Variants in HSPG2 observed in about 807,000 individuals in gnomAD.
The protein encoded by HSPG2 is basement membrane-specific heparan sulfate proteoglycan core protein.
A neutral mutation model predicts 526.6 loss-of-function variants in HSPG2; 278 were observed. The ratio of observed to expected loss-of-function variants is 0.53; its 90% confidence interval spans 0.48 to 0.58. The LOEUF is 0.58. HSPG2 is among the 20% of genes least tolerant of loss of function. HSPG2 has a pLI of 0.00. For missense variants in HSPG2, 5,354 were observed against 6,099.5 expected (o/e 0.88, Z 4.07); for synonymous variants, 2,465 against 2,555.4 (o/e 0.96, Z 1.07).
At chr1:21,868,767 GTC>G (rs1640428864) in intron 33 of HSPG2, 1 of 174,898 alleles carries the variant, frequency 5.7e-6, no homozygotes, top group African/African-American at 2.4e-5. Context: ...CCCCAGGCAA[GTC>G]TCTACCCACC....
In HSPG2 at chr1:21,836,829, C is replaced by T. The variant is rs866428334; in HGVS notation, c.10328G>A (p.Gly3443Asp). ...WFKEGGQLPP[G>D]HSVQDGVLRI... ...GAGCACCCCATCCTGCACGCTGTGA[C>T]CCGGAGGCAGCTGACCCCCTTCCTT... Residue 3443 changes from glycine (G) to aspartate (D), a missense_variant, in exon 75 of 97, where the codon GGT (glycine) becomes GAT (aspartate). Transcript: ENST00000374695. The T allele has an allele frequency of 1.3e-6, 2 of 1,574,410 alleles. No homozygotes were observed. Among genetic ancestry groups the T allele is most frequent in the Admixed American group, 1.8e-5 (1 of 55,226 alleles).
chr1:21,824,448 G>T lies in HSPG2; in HGVS notation c.12745-72C>A. 1 of 1,602,260 alleles carries T rather than the reference G, an allele frequency of 6.2e-7. No individual in the cohort carries two copies. Among genetic ancestry groups the T allele is most frequent in the South Asian group, 1.1e-5 (1 of 90,874 alleles). On this transcript the variant is annotated intron_variant, in intron 93 of 96. Transcript: ENST00000374695. This position sits in a 1 kb window ranked among gnomAD's most constrained non-coding sequence, Gnocchi z 5.9. ...GAGGCTGCCGAGGCCAGGGGGCTCTGCTTTCCCCTCCCCCCACCACTCCGG... is the reference window on the plus strand; with the variant it reads ...GAGGCTGCCGAGGCCAGGGGGCTCTTCTTTCCCCTCCCCCCACCACTCCGG...
rs763948606 is a variant in HSPG2 at position 21,855,379 on chromosome 1, C to G, written c.5922G>C (p.Arg1974Ser). ...GCACGCCTGCAGCCCTGCAGTACAG[C>G]CTGACGGTGCGGCCTGCGTGGACCT... is the stretch of plus-strand genomic sequence containing the variant. ...RTQVHAGRTV[R>S]LYCRAAGVPS... Residue 1974 changes from arginine (R) to serine (S), a missense_variant, in exon 47 of 97, where the codon AGG becomes AGC. Coordinates refer to ENST00000374695, the MANE Select transcript of HSPG2 (RefSeq NM_005529.7). 6.2e-7 allele frequency: 1 copy of G among 1,612,724 alleles called. No homozygotes were observed. Among genetic ancestry groups the G allele is most frequent in the South Asian group, 1.1e-5 (1 of 90,736 alleles).
At chr1:21,888,460 T>A (rs1052377415) in intron 6 of HSPG2, among the ~76,000 whole-genome samples, 3 of 152,240 alleles carry the variant, frequency 2.0e-5, no homozygotes, top group Non-Finnish European at 2.9e-5. Context: ...CTTTAAAAAA[T>A]TTTTTTCTCT....
intron 75 of HSPG2, among the ~76,000 whole-genome samples, 176 bp from the exon 76 acceptor site, chr1:21,835,813 G>A (rs1320339289): frequency 6.6e-6 from 1 of 151,642 alleles, no homozygotes; most frequent in Non-Finnish European, 1.5e-5. Flanking sequence ...GTGAAACCCT[G>A]TTTCTACTAA....
In HSPG2 at chr1:21,878,273, T is replaced by C; in HGVS notation, c.2618-20A>G. 6.2e-7 allele frequency: 1 copy of C among 1,613,378 alleles called. No individual in the cohort carries two copies. Among genetic ancestry groups the C allele is most frequent in the Non-Finnish European group, 8.5e-7 (1 of 1,179,690 alleles). On this transcript the variant is annotated intron_variant, in intron 20 of 96. Coordinates refer to ENST00000374695, the MANE Select transcript of HSPG2 (RefSeq NM_005529.7). ...CCTGGTCTGGGACACAAAACGAGTG[T>C]TGGCAGGGCAGGTGGGAATGGGATA...
intron 71 of HSPG2, among the ~76,000 whole-genome samples, chr1:21,840,652 G>A (rs551487515): frequency 6.6e-6 from 1 of 151,992 alleles, no homozygotes; most frequent in Non-Finnish European, 1.5e-5. Flanking sequence ...TATTGGCCAG[G>A]GTGGTCTCGA....
In HSPG2 at chr1:21,842,130, G is replaced by A. The variant is rs762597552; in HGVS notation, c.9065C>T (p.Pro3022Leu). 4.3e-6 allele frequency: 7 copies of A among 1,613,700 alleles called. No homozygotes were observed. Among genetic ancestry groups the A allele is most frequent in the East Asian group, 2.2e-5 (1 of 44,884 alleles). The change falls in exon 69 of 97, where the codon CCG (proline) becomes CTG (leucine). Residue 3022 changes from proline to leucine, a missense_variant. Transcript: ENST00000374695. ...GCTGGGCGGGTCGATGGAGATGACC[G>A]GGCTCCTAAGGCCTGGGGCCAAAGG... Reference protein sequence around the residue: ...SEGSSYRLRSPVISIDPPSST... With the variant: ...SEGSSYRLRSLVISIDPPSST...
chr1:21,884,780 G>C lies in HSPG2; in HGVS notation c.1494C>G (p.Leu498=). Residue 498 remains leucine (L), a synonymous_variant, in exon 12 of 97, where the codon CTC becomes CTG. Coordinates refer to ENST00000374695, the MANE Select transcript of HSPG2 (RefSeq NM_005529.7). ...CTCCGGCAGTACCTCGTTGTGGGAC[G>C]AGCTCAAGGACACCGTCAGGAATGC... is the stretch of plus-strand genomic sequence containing the variant. ...VFGIPDGVLE[L]VPQRGPCPDG... is the part of the protein sequence containing the mutation. The C allele has an allele frequency of 6.2e-7, 1 of 1,613,602 alleles. No homozygotes were observed. The highest frequency in any genetic ancestry group is 8.5e-7 in the Non-Finnish European group (1 of 1,179,990).
In HSPG2 at chr1:21,881,491, T is replaced by G. The variant is rs769587805; in HGVS notation, c.1666A>C (p.Thr556Pro). 2.5e-6 allele frequency: 4 copies of G among 1,611,988 alleles called. No homozygotes were observed. The highest frequency in any genetic ancestry group is 2.5e-6 in the Non-Finnish European group (3 of 1,179,840). ...GGCGTGCCGGGCTGCGCAGGCATTG[T>G]CACATTCACACCTGTGGGTGGCAAG... ...QPDDFKGVNV[T>P]MPAQPGTPPL... The change falls in exon 14 of 97, where the codon ACA becomes CCA. Residue 556 changes from threonine to proline, a missense_variant. Physicochemically the swap from Thr to Pro is conservative, Grantham distance 38 (BLOSUM62 -1). Transcript: ENST00000374695.
chr1:21,874,201 G>T (rs904875128), intron 28 of HSPG2, among the ~76,000 whole-genome samples, 190 bp from the exon 29 acceptor site: 3 of 152,216 alleles, frequency 2.0e-5, no homozygotes, highest in Non-Finnish European at 4.4e-5. Context: ...TCACACAAGG[G>T]GCTGAGGAGG....
intron 6 of HSPG2, among the ~76,000 whole-genome samples, 156 bp from the exon 7 acceptor site, chr1:21,888,222 C>T (rs1459980048): frequency 1.3e-5 from 2 of 152,354 alleles, no homozygotes; most frequent in South Asian, 4.1e-4. Context: ...ACACTAGACA[C>T]ATCCACAGCA....
In HSPG2 at chr1:21,872,213, C is replaced by T; in HGVS notation, c.4194G>A (p.Gln1398=). 1 of 1,552,026 alleles carries T rather than the reference C, an allele frequency of 6.4e-7. No homozygotes were observed. The change falls in exon 33 of 97, where the codon CAG becomes CAA. Residue 1398 remains glutamine, a synonymous_variant. Coordinates refer to ENST00000374695, the MANE Select transcript of HSPG2 (RefSeq NM_005529.7). The surrounding 1 kb of genome is among the most constrained non-coding windows in gnomAD (Gnocchi z 5.5). ...AQLGHESFYW[Q]LPETYQGDKV... Reference sequence around the variant, plus strand: ...TGTCTCCCTGGTATGTCTCCGGCAGCTGCCAGTAGAAGGACTCATGGCCGA... The same window carrying T: ...TGTCTCCCTGGTATGTCTCCGGCAGTTGCCAGTAGAAGGACTCATGGCCGA...
In HSPG2 at chr1:21,823,436, G is replaced by A; in HGVS notation, c.13056C>T (p.Ile4352=). The A allele has an allele frequency of 6.3e-7, 1 of 1,591,366 alleles. No homozygotes were observed. ...GCACCAGGTTCTTGACACAGCCTGTGATGCCTGAGGAGAATCTGCCCCCGG... is the reference window on the plus strand; with the variant it reads ...GCACCAGGTTCTTGACACAGCCTGTAATGCCTGAGGAGAATCTGCCCCCGG... ...TLTGGRFSSG[I]TGCVKNLVLH... is the part of the protein sequence containing the mutation. The change falls in exon 97 of 97, where the codon ATC becomes ATT. Residue 4352 remains isoleucine, a synonymous_variant. Coordinates refer to ENST00000374695, the MANE Select transcript of HSPG2 (RefSeq NM_005529.7).
chr1:21,873,552 A>G, intron 29 of HSPG2, 128 bp from the exon 30 acceptor site: 1 of 973,058 alleles, frequency 1.0e-6, no homozygotes, highest in Non-Finnish European at 1.6e-6. Flanking sequence ...TGACTCGCCC[A>G]TGTTACGGGG....
chr1:21,862,146 C>T (rs934765055), intron 37 of HSPG2, 31 bp from the exon 38 acceptor site: 7 of 1,608,818 alleles, frequency 4.4e-6, no homozygotes, highest in Middle Eastern at 1.7e-4. Context: ...AGGCACCAGC[C>T]ATTAGGCCAA....
intron 1 of HSPG2, among the ~76,000 whole-genome samples, chr1:21,918,291 CCT>C (rs1643937475): frequency 6.6e-6 from 1 of 152,068 alleles, no homozygotes; most frequent in Non-Finnish European, 1.5e-5. Context: ...ATAGTAAAAC[CCT>C]GTCTCTACTA....
intron 1 of HSPG2, among the ~76,000 whole-genome samples, chr1:21,907,837 A>G (rs1643458431): frequency 6.6e-6 from 1 of 152,080 alleles, no homozygotes; most frequent in African/African-American, 2.4e-5. Context: ...TTTCCTTTCT[A>G]TATTCTCACC....
At position 21,824,194 on chromosome 1, in the gene HSPG2, C is replaced by CCAG; in HGVS notation, c.12823_12825dup (p.Leu4275dup). The CCAG allele has an allele frequency of 6.2e-7, 1 of 1,613,826 alleles. No homozygotes were observed. Among genetic ancestry groups the CCAG allele is most frequent in the South Asian group, 1.1e-5 (1 of 91,084 alleles). On this transcript the variant is annotated inframe_insertion, in exon 95 of 97. Transcript: ENST00000374695. This position sits in a 1 kb window ranked among gnomAD's most constrained non-coding sequence, Gnocchi z 5.9. ...GAGACCAGGCGGGCCTCCCCACTAC[C>CCAG]CAGCTGGTACCTGCAGTCATCCAGG...
Sources: gnomAD v4.1 joint callset for allele counts (sites outside exome capture counted in the v4.1 genomes callset) on GRCh38, gnomAD v4.1.1 for gene constraint, Gnocchi (gnomAD v3.1) non-coding constraint, MANE v1.5 for transcripts, NCBI Gene and HGNC (gene_info 2026-07-23, HGNC 2026-07-21) for gene names.